VAMP7: variants seen among roughly 807,000 people sequenced by gnomAD.
VAMP7 encodes vesicle associated membrane protein 7.
Under a neutral mutation model 29.6 loss-of-function variants are expected in VAMP7, and 14 were observed. The ratio of observed to expected loss-of-function variants is 0.47; its 90% confidence interval spans 0.31 to 0.74. The LOEUF is 0.74. Ranked by LOEUF, VAMP7 falls within the 30% of genes least tolerant of loss-of-function variation. The pLI, the probability that VAMP7 is intolerant of heterozygous loss-of-function variation, is 0.05. For missense variants in VAMP7, 223 were observed against 262.4 expected (o/e 0.85, Z 1.04); for synonymous variants, 95 against 88.1 (o/e 1.08, Z -0.44).
intron 5 of VAMP7, among the ~76,000 whole-genome samples, chrX:155,910,708 C>G (rs1304893782): frequency 1.3e-5 from 2 of 151,606 alleles, no homozygotes; most frequent in Non-Finnish European, 2.9e-5. Flanking sequence ...TGATGTTGAG[C>G]ATTTTTTCAT....
chrX:155,935,619 T>A (rs1223070878), intron 6 of VAMP7, among the ~76,000 whole-genome samples: 1 of 151,846 alleles, frequency 6.6e-6, no homozygotes, highest in African/African-American at 2.4e-5. Context: ...TTTTTCAAGG[T>A]TTTTAGCTTC....
chrX:155,928,314 A>G (rs2066500067), intron 6 of VAMP7, among the ~76,000 whole-genome samples: 2 of 152,196 alleles, frequency 1.3e-5, no homozygotes, highest in Non-Finnish European at 2.9e-5. Flanking sequence ...ATCACAAATT[A>G]TCACAAACTT....
chrX:155,933,713 G>A lies in VAMP7; in HGVS notation c.502-5988G>A, dbSNP rs142465446. On this transcript the variant is annotated intron_variant, in intron 6 of 7. Coordinates refer to ENST00000286448, the MANE Select transcript of VAMP7 (RefSeq NM_005638.6). The stretch of plus-strand genomic sequence containing the variant: ...TTGTGTCTCTATCTCGTTCAGTTCT[G>A]CTCTGAGTTATTTCTTGCCTTCTGC... 3.3e-3 allele frequency among the ~76,000 whole-genome samples: 497 copies of A among 152,148 alleles called. 1 individual carries two copies. Among genetic ancestry groups the A allele is most frequent in the African/African-American group, 0.012 (479 of 41,504 alleles).
intron 6 of VAMP7, among the ~76,000 whole-genome samples, chrX:155,928,922 CT>C (rs1420685778): frequency 3.9e-5 from 6 of 152,216 alleles, no homozygotes; most frequent in African/African-American, 1.4e-4. Flanking sequence ...TCTACATCAT[CT>C]TTCTCTTTCT....
chrX:155,934,449 A>G (rs1199404081), intron 6 of VAMP7, among the ~76,000 whole-genome samples: 3 of 152,152 alleles, frequency 2.0e-5, no homozygotes, highest in African/African-American at 7.2e-5. Context: ...CTTTACCATT[A>G]TGTAATGGCC....
intron 6 of VAMP7, among the ~76,000 whole-genome samples, chrX:155,930,141 C>T (rs1032634589): frequency 5.0e-4 from 76 of 152,234 alleles, no homozygotes; most frequent in Admixed American, 1.4e-3. Context: ...AACAGGAAAG[C>T]TTACCCAAGC....
At chrX:155,918,513 A>G (rs1221914767) in intron 5 of VAMP7, among the ~76,000 whole-genome samples, 2 of 152,082 alleles carry the variant, frequency 1.3e-5, no homozygotes, top group Non-Finnish European at 2.9e-5. Context: ...GCCAGAGTGC[A>G]CCATTCCTCA....
In VAMP7 at chrX:155,887,362, G is replaced by A. The variant is rs188361595; in HGVS notation, c.-9-2096G>A. 2.1e-3 allele frequency among the ~76,000 whole-genome samples: 321 copies of A among 152,266 alleles called. 3 individuals carry two copies. The highest frequency in any genetic ancestry group is 7.1e-3 in the African/African-American group (294 of 41,534). On this transcript the variant is annotated intron_variant, in intron 1 of 7. Coordinates refer to ENST00000286448, the MANE Select transcript of VAMP7 (RefSeq NM_005638.6). ...AGGAAAGTCGACATTTAGAGGTCAG[G>A]TAGAGGAGGAAGAGTCAGCAAGAAG...
chrX:155,924,558 G>A (rs1602994391), intron 6 of VAMP7, among the ~76,000 whole-genome samples: 1 of 152,080 alleles, frequency 6.6e-6, no homozygotes, highest in South Asian at 2.1e-4. Context: ...TTGCCCTTTT[G>A]TGTCTGGCTT....
At chrX:155,912,122 G>T (rs370926310) in intron 5 of VAMP7, among the ~76,000 whole-genome samples, 61 of 152,148 alleles carry the variant, frequency 4.0e-4, no homozygotes, top group African/African-American at 1.4e-3. Flanking sequence ...CTGTGGGTTT[G>T]TCATAAATGG....
chrX:155,898,286 ATCT>A (rs1239933945), intron 4 of VAMP7, 37 bp downstream of exon 4: 2 of 1,607,082 alleles, frequency 1.2e-6, no homozygotes, highest in Non-Finnish European at 1.7e-6. Context: ...TTTGATTTAT[ATCT>A]TCTTCATTAC....
At chrX:155,882,834 T>G (rs2065819252) in intron 1 of VAMP7, among the ~76,000 whole-genome samples, 1 of 152,208 alleles carries the variant, frequency 6.6e-6, no homozygotes, top group South Asian at 2.1e-4. Flanking sequence ...GGCACTGTGC[T>G]GAGCACTGGG....
At chrX:155,909,201 G>A (rs752440442) in intron 5 of VAMP7, among the ~76,000 whole-genome samples, 5 of 152,088 alleles carry the variant, frequency 3.3e-5, no homozygotes, top group African/African-American at 1.2e-4. Context: ...TCTTGAGTCT[G>A]TTTAGCAGTT....
intron 5 of VAMP7, among the ~76,000 whole-genome samples, chrX:155,914,710 G>A (rs1402679320): frequency 6.6e-6 from 1 of 152,170 alleles, no homozygotes; most frequent in Non-Finnish European, 1.5e-5. Context: ...CAGTGATGAA[G>A]CTGACCTGAT....
intron 5 of VAMP7, among the ~76,000 whole-genome samples, chrX:155,902,137 G>A (rs866858304): frequency 1.9e-4 from 29 of 152,216 alleles, no homozygotes; most frequent in African/African-American, 7.0e-4. Context: ...TGAAGCAACT[G>A]TGAATGGGAG....
At chrX:155,928,970 A>G (rs2066509715) in intron 6 of VAMP7, among the ~76,000 whole-genome samples, 1 of 152,196 alleles carries the variant, frequency 6.6e-6, no homozygotes, top group African/African-American at 2.4e-5. Flanking sequence ...TGTTTGTAGT[A>G]TATCCTCACA....
intron 5 of VAMP7, among the ~76,000 whole-genome samples, chrX:155,917,684 G>A (rs1016241872): frequency 2.0e-5 from 3 of 152,064 alleles, no homozygotes; most frequent in Admixed American, 1.3e-4. Flanking sequence ...TGGAAGCTTC[G>A]TCCCAGAGGG....
chrX:155,881,714 A>G (rs1415387247), intron 1 of VAMP7, among the ~76,000 whole-genome samples: 1 of 152,176 alleles, frequency 6.6e-6, no homozygotes, highest in Non-Finnish European at 1.5e-5. Flanking sequence ...ACTTTCTCTC[A>G]GTTTGTATTC....
intron 2 of VAMP7, among the ~76,000 whole-genome samples, chrX:155,893,692 T>G (rs1355622796): frequency 6.6e-6 from 1 of 152,180 alleles, no homozygotes; most frequent in African/African-American, 2.4e-5. Flanking sequence ...TCCTCTTTTT[T>G]AAAGCCACTA....
Sources: allele counts gnomAD v4.1 joint callset (sites outside exome capture counted in the v4.1 genomes callset), GRCh38; gene constraint gnomAD v4.1.1; transcripts MANE v1.5; gene names NCBI Gene and HGNC (gene_info 2026-07-23, HGNC 2026-07-21).